Variants in DOCK2 observed in about 807,000 individuals in gnomAD.
DOCK2 encodes the protein dedicator of cytokinesis 2.
Under a neutral mutation model 248.9 loss-of-function variants are expected in DOCK2, and 87 were observed. The observed-to-expected ratio is 0.35, with a 90% CI of 0.29 to 0.42. DOCK2 has a LOEUF of 0.42. Ranked by LOEUF, DOCK2 falls within the 10% of genes least tolerant of loss-of-function variation. DOCK2 has a pLI of 1.00. For missense variants in DOCK2, 1,747 were observed against 2,300.2 expected (o/e 0.76, Z 4.92); for synonymous variants, 805 against 821.6 (o/e 0.98, Z 0.35).
At chr5:170,077,929 T>A (rs1757894831) in intron 48 of DOCK2, 92 bp downstream of exon 48, 1 of 1,036,244 alleles carries the variant, frequency 9.7e-7, no homozygotes, top group African/African-American at 1.6e-5. Context: ...ACATCCCTTC[T>A]ACCTTTCCCT....
At chr5:169,802,724 A>C (rs1230774931) in intron 25 of DOCK2, among the ~76,000 whole-genome samples, 1 of 149,252 alleles carries the variant, frequency 6.7e-6, no homozygotes, top group African/African-American at 2.6e-5. Flanking sequence ...TTATAGTGAC[A>C]GTAATAGACT....
chr5:169,788,992 T>C (rs1474710473), intron 25 of DOCK2, among the ~76,000 whole-genome samples: 2 of 152,176 alleles, frequency 1.3e-5, no homozygotes, highest in African/African-American at 4.8e-5. Context: ...TCCCTCCTTC[T>C]ACTCTCCACC....
chr5:169,670,438 G>GC, intron 3 of DOCK2, 104 bp from the exon 4 acceptor site: 1 of 1,316,626 alleles, frequency 7.6e-7, no homozygotes, highest in African/African-American at 1.5e-5. Flanking sequence ...GATTTTATAA[G>GC]CCAGTAGCTT....
chr5:169,815,505 T>C (rs1373539581), intron 26 of DOCK2, among the ~76,000 whole-genome samples: 1 of 152,126 alleles, frequency 6.6e-6, no homozygotes, highest in Non-Finnish European at 1.5e-5. Flanking sequence ...AGAGCCAGGA[T>C]GAGGTGAGGC....
chr5:169,680,312 G>A lies in DOCK2; in HGVS notation c.471-1432G>A, dbSNP rs1197336721. ...ATTTTATGTAAAACACTTATTGTAT[G>A]TGAGCTGATTGTAAGTGCTGTGTGA... is the stretch of plus-strand genomic sequence containing the variant. On this transcript the variant is annotated intron_variant, in intron 6 of 51. Coordinates refer to ENST00000520908, the MANE Select transcript of DOCK2 (RefSeq NM_004946.3). Among the ~76,000 whole-genome samples the A allele has an allele frequency of 2.0e-5, 3 of 152,188 alleles. No homozygotes were observed. In the East Asian group the frequency reaches 5.8e-4, roughly 29 times the overall value.
At chr5:169,785,003 G>A (rs1174237301) in intron 25 of DOCK2, among the ~76,000 whole-genome samples, 1 of 152,144 alleles carries the variant, frequency 6.6e-6, no homozygotes, top group African/African-American at 2.4e-5. Flanking sequence ...GATAGATATG[G>A]CTAAATCCCA....
intron 27 of DOCK2, among the ~76,000 whole-genome samples, chr5:169,945,960 G>A (rs898772225): frequency 6.6e-6 from 1 of 152,156 alleles, no homozygotes. Context: ...ACATGAGCAG[G>A]CCAGGCAGGC....
chr5:170,055,495 A>G (rs773879900), intron 42 of DOCK2, 109 bp downstream of exon 42: 5 of 999,450 alleles, frequency 5.0e-6, no homozygotes, highest in Non-Finnish European at 7.6e-6. Flanking sequence ...TTCCTTCTCT[A>G]TCTTAGCCAG....
At chr5:169,971,188 C>CA (rs34023676) in intron 27 of DOCK2, among the ~76,000 whole-genome samples, 4,244 of 143,848 alleles carry the variant, frequency 0.03, 82 homozygotes, top group African/African-American at 0.052. Context: ...GAAAGAAAGG[C>CA]AAAAAAAAAA....
chr5:169,798,380 C>G (rs1307783321), intron 25 of DOCK2, among the ~76,000 whole-genome samples: 5 of 152,162 alleles, frequency 3.3e-5, no homozygotes, highest in African/African-American at 1.2e-4. Flanking sequence ...CCAGACTTTC[C>G]CGTGAAAAAT....
chr5:169,963,470 G>A (rs1322600484), intron 27 of DOCK2, among the ~76,000 whole-genome samples: 1 of 152,042 alleles, frequency 6.6e-6, no homozygotes, highest in Non-Finnish European at 1.5e-5. Context: ...CTGGTCCTAG[G>A]CCCATTGTGG....
chr5:169,840,142 G>T (rs554592460), intron 26 of DOCK2, among the ~76,000 whole-genome samples: 33 of 152,180 alleles, frequency 2.2e-4, no homozygotes, highest in Non-Finnish European at 4.1e-4. Flanking sequence ...GGCTTCTGGG[G>T]AGGCCTCGGG....
At position 169,712,103 on chromosome 5, in the gene DOCK2, C is replaced by T. The variant is rs984026780; in HGVS notation, c.1556-17C>T. 1.9e-6 allele frequency: 3 copies of T among 1,613,864 alleles called. No homozygotes were observed. The highest frequency in any genetic ancestry group is 1.3e-5 in the African/African-American group (1 of 74,920). On this transcript the variant is annotated splice_polypyrimidine_tract_variant and intron_variant, in intron 16 of 51. Transcript: ENST00000520908. ...CATGTATCATTTTCTTTCCTGACCC[C>T]ACAATGCTATTTCCAGCTAAAGATA...
At chr5:169,675,769 T>C in intron 6 of DOCK2, among the ~76,000 whole-genome samples, 1 of 152,000 alleles carries the variant, frequency 6.6e-6, no homozygotes, top group Non-Finnish European at 1.5e-5. Context: ...TAAAAAGAAG[T>C]TTCCCCAGCA....
chr5:170,079,054 G>A lies in DOCK2; in HGVS notation c.5074G>A (p.Glu1692Lys), dbSNP rs373978300. 18 of 1,614,052 alleles carry A rather than the reference G, an allele frequency of 1.1e-5. No homozygotes were observed. The African/African-American group carries it at 2.0e-4, about 18-fold the overall frequency. The change falls in exon 49 of 52, where the codon GAG becomes AAG. Residue 1692 changes from glutamate (E) to lysine (K), a missense_variant. By Grantham distance (56) the Glu-to-Lys change is moderately conservative. Coordinates refer to ENST00000520908, the MANE Select transcript of DOCK2 (RefSeq NM_004946.3). ...GATCTCCCCGGGGAGCACCCTGCCT[G>A]AGGTCAAGCTGCGGAGGTCCAAGAA... ...EPISPGSTLP[E>K]VKLRRSKKRT...
chr5:169,987,195 G>A (rs1229394528), intron 29 of DOCK2, among the ~76,000 whole-genome samples: 2 of 152,146 alleles, frequency 1.3e-5, no homozygotes, highest in Non-Finnish European at 2.9e-5. Flanking sequence ...TATATTCCTT[G>A]TTGTATTTTC....
At chr5:169,902,914 A>G (rs539861077) in intron 27 of DOCK2, among the ~76,000 whole-genome samples, 3 of 152,214 alleles carry the variant, frequency 2.0e-5, no homozygotes, top group African/African-American at 4.8e-5. Flanking sequence ...CTTGGCCAAC[A>G]TGGTGAAACC....
chr5:170,049,997 G>A (rs548678738), intron 40 of DOCK2, among the ~76,000 whole-genome samples: 1 of 152,272 alleles, frequency 6.6e-6, no homozygotes, highest in Non-Finnish European at 1.5e-5. Context: ...TCTGGAAGCT[G>A]TACATAGGAT....
At chr5:169,643,781 C>T (rs753333422) in intron 1 of DOCK2, among the ~76,000 whole-genome samples, 1 of 152,150 alleles carries the variant, frequency 6.6e-6, no homozygotes, top group Admixed American at 6.5e-5. Flanking sequence ...CATAGGTGGA[C>T]AGTATGACGT....
Sources: gnomAD v4.1 joint callset for allele counts (sites outside exome capture counted in the v4.1 genomes callset) on GRCh38, gnomAD v4.1.1 for gene constraint, MANE v1.5 for transcripts, NCBI Gene and HGNC (gene_info 2026-07-23, HGNC 2026-07-21) for gene names.